The following KLHL6 variants were observed in gnomAD, a reference collection of about 807,000 sequenced individuals.
The protein encoded by KLHL6 is kelch like family member 6, also known as kelch-like protein 6.
A neutral mutation model predicts 58.6 loss-of-function variants in KLHL6; 41 were observed. The observed-to-expected ratio is 0.70, with a 90% confidence interval of 0.55 to 0.91. The LOEUF (loss-of-function observed/expected upper bound fraction) is 0.91, where lower values mean the gene tolerates loss of function less well. Among genes scored for constraint, KLHL6 ranks in the 40% least tolerant of loss-of-function variants. The pLI is 0.00. For missense variants in KLHL6, 714 were observed against 805.6 expected, an observed-to-expected ratio of 0.89 and a Z score of 1.38; for synonymous variants, 338 against 322.7, an observed-to-expected ratio of 1.05 and a Z score of -0.51.
chr3:183,493,849 G>T, intron 5 of KLHL6: 1 of 549,642 alleles, frequency 1.8e-6, no homozygotes, highest in Non-Finnish European at 3.3e-6. Flanking sequence ...AATTAGGACA[G>T]GTGCCCACAC....
At chr3:183,543,286 CAAA>C (rs148496860) in intron 1 of KLHL6, among the ~76,000 whole-genome samples, 1 of 125,748 alleles carries the variant, frequency 8.0e-6, no homozygotes. Flanking sequence ...AACTCCATTT[CAAA>C]AAAAAAAAAA....
chr3:183,555,139 T>C (rs558723506), intron 1 of KLHL6, among the ~76,000 whole-genome samples: 1 of 152,232 alleles, frequency 6.6e-6, no homozygotes, highest in African/African-American at 2.4e-5. Flanking sequence ...CACTCCAGCC[T>C]GGGCAACAAA....
chr3:183,534,538 G>A (rs1033990266), intron 1 of KLHL6, among the ~76,000 whole-genome samples: 16 of 151,862 alleles, frequency 1.1e-4, no homozygotes, highest in African/African-American at 2.9e-4. Flanking sequence ...CAAGTGGCTC[G>A]GACTAGAGGC....
chr3:183,526,493 A>G (rs923641384), intron 2 of KLHL6, among the ~76,000 whole-genome samples: 2 of 152,234 alleles, frequency 1.3e-5, no homozygotes, highest in African/African-American at 4.8e-5. Flanking sequence ...TTGGAAGCCC[A>G]CAGCAATCTT....
intron 1 of KLHL6, among the ~76,000 whole-genome samples, chr3:183,530,830 AT>A (rs35902105): frequency 0.42 from 51,576 of 123,776 alleles, 9,869 homozygotes; most frequent in Non-Finnish European, 0.51. Flanking sequence ...GTGAACATGC[AT>A]TTTTTTTTTT....
intron 3 of KLHL6, among the ~76,000 whole-genome samples, chr3:183,502,554 C>T (rs1717896381): frequency 6.6e-6 from 1 of 152,194 alleles, no homozygotes; most frequent in Non-Finnish European, 1.5e-5. Flanking sequence ...CCTGATTGCT[C>T]TCTCAGTCTT....
rs560677828 is a variant in KLHL6 at position 183,552,672 on chromosome 3, T to G, written c.293+2689A>C. 1.3e-3 allele frequency among the ~76,000 whole-genome samples: 184 copies of G among 141,728 alleles called. 1 individual carries two copies. Among genetic ancestry groups the G allele is most frequent in the African/African-American group, 4.3e-3 (160 of 37,558 alleles). The allele number at this position is 141,728 out of a possible 152,430, so 93.0% of individuals were successfully genotyped here. A position where few individuals can be genotyped will look rare whatever the true frequency, so the allele number is the denominator to read the frequency against. ...GGCGGAGTTTGCAGTGAGCAGAGAT[T>G]GTGCCACTGCACTCCAGCCTGGGCG... On this transcript the variant is annotated intron_variant, in intron 1 of 6. Transcript: ENST00000341319.
chr3:183,518,318 T>A (rs12496193), intron 2 of KLHL6, among the ~76,000 whole-genome samples: 1 of 151,904 alleles, frequency 6.6e-6, no homozygotes, highest in South Asian at 2.1e-4. Flanking sequence ...CTCACACTGA[T>A]GGTTCTACCT....
intron 1 of KLHL6, among the ~76,000 whole-genome samples, chr3:183,540,700 G>A (rs534536902): frequency 6.6e-6 from 1 of 152,050 alleles, no homozygotes; most frequent in South Asian, 2.1e-4. Context: ...CACCACACCC[G>A]GCCCCATTGA....
intron 3 of KLHL6, among the ~76,000 whole-genome samples, chr3:183,506,849 T>C (rs541495727): frequency 1.3e-5 from 2 of 150,268 alleles, no homozygotes; most frequent in South Asian, 2.1e-4. Flanking sequence ...AATAAATAAA[T>C]AAATAAATAA....
intron 1 of KLHL6, among the ~76,000 whole-genome samples, chr3:183,543,557 T>C (rs944065353): frequency 3.9e-5 from 6 of 152,240 alleles, no homozygotes; most frequent in African/African-American, 1.4e-4. Context: ...TCTTCTGTCC[T>C]ATTTTTTTGT....
intron 2 of KLHL6, among the ~76,000 whole-genome samples, chr3:183,525,269 AACACACAC>A (rs1553811030): frequency 7.5e-6 from 1 of 133,794 alleles, no homozygotes; most frequent in South Asian, 2.4e-4. Flanking sequence ...CTAAAAAAAA[AACACACAC>A]ACACACACAC....
chr3:183,541,547 T>A (rs1385251829), intron 1 of KLHL6, among the ~76,000 whole-genome samples: 1 of 152,116 alleles, frequency 6.6e-6, no homozygotes, highest in Non-Finnish European at 1.5e-5. Context: ...TTATTTACAT[T>A]CAGAGGAAGG....
chr3:183,530,260 GA>G (rs919186193), intron 1 of KLHL6, among the ~76,000 whole-genome samples: 1 of 152,134 alleles, frequency 6.6e-6, no homozygotes, highest in African/African-American at 2.4e-5. Flanking sequence ...GTAAAAGCTA[GA>G]AAAAGTCTAG....
In KLHL6 at chr3:183,532,376, T is replaced by A. The variant is rs147926347; in HGVS notation, c.294-4366A>T. Among the ~76,000 whole-genome samples the A allele has an allele frequency of 3.5e-3, 531 of 152,320 alleles. 1 individual carries two copies. Among genetic ancestry groups the A allele is most frequent in the Non-Finnish European group, 6.7e-3 (458 of 68,024 alleles). On this transcript the variant is annotated intron_variant, in intron 1 of 6. Transcript: ENST00000341319. ...CAGACTCTATAGAAGTGTGAGGAAATAAACATTTCTGTTGTTTAAGCCACA... is the reference window on the plus strand; with the variant it reads ...CAGACTCTATAGAAGTGTGAGGAAAAAAACATTTCTGTTGTTTAAGCCACA...
At chr3:183,525,273 C>CACACACACACACACACACACAG (rs1711922184) in intron 2 of KLHL6, among the ~76,000 whole-genome samples, 1 of 148,370 alleles carries the variant, frequency 6.7e-6, no homozygotes, top group Admixed American at 6.6e-5. Context: ...AAAAAAAACA[C>CACACACACACACACACACACAG]ACACACACAC....
intron 4 of KLHL6, among the ~76,000 whole-genome samples, chr3:183,494,770 A>G (rs1181446866): frequency 6.6e-6 from 1 of 152,240 alleles, no homozygotes; most frequent in African/African-American, 2.4e-5. Flanking sequence ...AAAAATCACT[A>G]AGAAATCCTA....
At chr3:183,530,262 A>G (rs1712112359) in intron 1 of KLHL6, among the ~76,000 whole-genome samples, 1 of 152,198 alleles carries the variant, frequency 6.6e-6, no homozygotes, top group African/African-American at 2.4e-5. Context: ...AAAAGCTAGA[A>G]AAAGTCTAGA....
chr3:183,494,350 C>A (rs1717659370), intron 4 of KLHL6, 69 bp from the exon 5 acceptor site: 23 of 1,356,762 alleles, frequency 1.7e-5, no homozygotes, highest in Non-Finnish European at 2.2e-5. Context: ...CCATAATATC[C>A]CACATGTCCA....
Sources: gnomAD v4.1 joint callset for allele counts (sites outside exome capture counted in the v4.1 genomes callset) on GRCh38, gnomAD v4.1.1 for gene constraint, MANE v1.5 for transcripts, NCBI Gene and HGNC (gene_info 2026-07-23, HGNC 2026-07-21) for gene names.